Variants in ESR1 observed in about 807,000 individuals in gnomAD.
The protein encoded by ESR1 is estrogen receptor.
In ESR1, 12 loss-of-function variants were observed where a neutral mutation model predicts 52.7. The ratio of observed to expected loss-of-function variants is 0.23; its 90% CI spans 0.15 to 0.37. ESR1 has a LOEUF of 0.37. ESR1 is among the 10% of genes least tolerant of loss of function. ESR1 has a pLI of 1.00. For missense variants in ESR1, 584 were observed against 779.7 expected (o/e 0.75, Z 2.99); for synonymous variants, 305 against 316.8 (o/e 0.96, Z 0.39).
At chr6:151,875,797 A>T (rs1186439862) in intron 2 of ESR1, among the ~76,000 whole-genome samples, 1 of 152,174 alleles carries the variant, frequency 6.6e-6, no homozygotes, top group Non-Finnish European at 1.5e-5. Flanking sequence ...ACATGATCAG[A>T]GCTTGGATGG....
Position 151,837,121 on chromosome 6 carries a change from CT to C in ESR1, c.453-5459del, listed in dbSNP as rs11372738. ...AATATGAATACCTTCAGACATCCCT[CT>C]TTTTTTTTTTTTTTTTCACCCAGGC... On this transcript the variant is annotated intron_variant, in intron 1 of 7. Coordinates refer to ENST00000206249, the MANE Select transcript of ESR1 (RefSeq NM_000125.4). Among the ~76,000 whole-genome samples, 385 of 134,382 alleles carry C rather than the reference CT, an allele frequency of 2.9e-3. 1 individual carries two copies. Among genetic ancestry groups the C allele is most frequent in the African/African-American group, 4.8e-3 (173 of 35,772 alleles). 88.2% of individuals were successfully genotyped at this position (134,382 alleles called of 152,430 possible).
In ESR1 at chr6:151,811,507, A is replaced by G. The variant is rs1778833206; in HGVS notation, c.452+3143A>G. Among the ~76,000 whole-genome samples the G allele has an allele frequency of 2.0e-5, 3 of 152,310 alleles. No homozygotes were observed. The South Asian group carries it at 6.2e-4, about 32-fold the overall frequency. On this transcript the variant is annotated intron_variant, in intron 1 of 7. Transcript: ENST00000206249. ...CTTCTCCAAAAAACTTGGCAAATGT[A>G]TAAATCTTTTGCATCAAAATCAATG...
chr6:152,082,996 C>T (rs762628049), intron 6 of ESR1, among the ~76,000 whole-genome samples: 6 of 152,164 alleles, frequency 3.9e-5, no homozygotes, highest in Non-Finnish European at 7.3e-5. Flanking sequence ...ATTCCATGCT[C>T]GTGGATAGGA....
Position 151,842,599 on chromosome 6 carries a change from C to G in ESR1, c.455C>G (p.Pro152Arg). Residue 152 changes from proline to arginine, a missense_variant and splice_region_variant, in exon 2 of 8, where the codon CCA (proline) becomes CGA (arginine). This residue lies in a region of ESR1 where 251 missense variants were observed against 246.1 expected (regional missense o/e 1.02). Coordinates refer to ENST00000206249, the MANE Select transcript of ESR1 (RefSeq NM_000125.4). ...ATTTACTGTTTTTTTCCCCCCAGGC[C>G]AAATTCAGATAATCGACGCCAGGGT... ...REAGPPAFYRPNSDNRRQGGR... is the reference protein window; with the variant it reads ...REAGPPAFYRRNSDNRRQGGR... 6.2e-7 allele frequency: 1 copy of G among 1,613,136 alleles called. No homozygotes were observed.
At chr6:151,942,699 A>G (rs1180274493) in intron 3 of ESR1, among the ~76,000 whole-genome samples, 1 of 151,744 alleles carries the variant, frequency 6.6e-6, no homozygotes, top group Non-Finnish European at 1.5e-5. Context: ...ACAAATTAAA[A>G]CAAAATAAGA....
At chr6:152,052,261 G>A (rs186477564) in intron 5 of ESR1, among the ~76,000 whole-genome samples, 5 of 152,200 alleles carry the variant, frequency 3.3e-5, no homozygotes, top group Non-Finnish European at 5.9e-5. Context: ...GATCCACCCC[G>A]AACACCTCCC....
intron 3 of ESR1, among the ~76,000 whole-genome samples, chr6:151,943,054 G>A (rs930444425): frequency 3.3e-5 from 5 of 152,002 alleles, no homozygotes; most frequent in East Asian, 1.9e-4. Flanking sequence ...ACCCCATTTC[G>A]TAATTTAGTT....
Position 152,011,804 on chromosome 6 carries a change from CT to C in ESR1, c.1235+11del. ...ACTTGCTCTTGGACAGGTAAGTGAC[CT>C]GGCTGTAGCTTAGGAGTAGCATGTT... On this transcript the variant is annotated intron_variant, in intron 5 of 7. Coordinates refer to ENST00000206249, the MANE Select transcript of ESR1 (RefSeq NM_000125.4). The C allele has an allele frequency of 1.2e-6, 2 of 1,612,320 alleles. No homozygotes were observed. The highest frequency in any genetic ancestry group is 1.7e-6 in the Non-Finnish European group (2 of 1,179,162).
chr6:151,889,723 C>G (rs1794418915), intron 3 of ESR1, among the ~76,000 whole-genome samples: 1 of 151,592 alleles, frequency 6.6e-6, no homozygotes, highest in Non-Finnish European at 1.5e-5. Flanking sequence ...TTTTATTTTT[C>G]TAGTTATTTG....
chr6:151,822,005 A>G (rs1264711925), intron 1 of ESR1, among the ~76,000 whole-genome samples: 1 of 152,246 alleles, frequency 6.6e-6, no homozygotes, highest in Non-Finnish European at 1.5e-5. Context: ...TACTACACCA[A>G]GATGATTTGA....
chr6:151,808,121 C>G lies in ESR1; in HGVS notation c.209C>G (p.Ala70Gly), dbSNP rs776480169. 1 of 1,610,366 alleles carries G rather than the reference C, an allele frequency of 6.2e-7. No homozygotes were observed. The highest frequency in any genetic ancestry group is 1.1e-5 in the South Asian group (1 of 90,498). The change falls in exon 1 of 8, where the codon GCG (alanine) becomes GGG (glycine). Residue 70 changes from alanine (A) to glycine (G), a missense_variant. Around this residue, in one of 6 missense-constraint regions of ESR1, gnomAD observed 251 missense variants for 246.1 expected, o/e 1.02. Transcript: ENST00000206249. ...YEFNAAAAAN[A>G]QVYGQTGLPY... is the part of the protein sequence containing the mutation. ...TTCAACGCCGCGGCCGCCGCCAACG[C>G]GCAGGTCTACGGTCAGACCGGCCTC...
At chr6:151,884,821 G>A (rs1375982847) in intron 3 of ESR1, among the ~76,000 whole-genome samples, 1 of 152,048 alleles carries the variant, frequency 6.6e-6, no homozygotes, top group African/African-American at 2.4e-5. Flanking sequence ...TGAACTTTAG[G>A]TTGTAGATTA....
intron 2 of ESR1, among the ~76,000 whole-genome samples, chr6:151,719,713 G>T (rs1341330514): frequency 1.3e-5 from 2 of 152,146 alleles, no homozygotes; most frequent in African/African-American, 4.8e-5. Context: ...TAATTGGCGA[G>T]CAGATTAATA....
At chr6:152,079,170 A>G (rs932215748) in intron 6 of ESR1, among the ~76,000 whole-genome samples, 3 of 152,038 alleles carry the variant, frequency 2.0e-5, no homozygotes, top group African/African-American at 4.8e-5. Context: ...GAACCAAGAG[A>G]CCGCCACCTC....
chr6:151,956,839 AATAAATATATATATATATAT>A lies in ESR1; in HGVS notation c.1096+12353_1096+12372del, dbSNP rs1242412065. 9.6e-5 allele frequency among the ~76,000 whole-genome samples: 11 copies of A among 114,234 alleles called. No homozygotes were observed. The South Asian group carries it at 2.0e-3, about 21-fold the overall frequency. 74.9% of individuals were successfully genotyped at this position (114,234 alleles called of 152,430 possible). On this transcript the variant is annotated intron_variant, in intron 4 of 7. Transcript: ENST00000206249. ...ATATATAAAAATATATATAAATATA[AATAAATATATATATATATAT>A]ATAAATATATATATATATATAAAAT...
At chr6:151,661,633 A>G (rs1178989691) in intron 1 of ESR1, among the ~76,000 whole-genome samples, 1 of 152,188 alleles carries the variant, frequency 6.6e-6, no homozygotes, top group Admixed American at 6.5e-5. Context: ...CTGTTTGGGC[A>G]CTGACATGGT....
chr6:151,976,581 A>G (rs187089439), intron 4 of ESR1, among the ~76,000 whole-genome samples: 102 of 152,314 alleles, frequency 6.7e-4, no homozygotes, highest in African/African-American at 1.9e-3. Context: ...ATGACATTTC[A>G]TATGTCCTGA....
intron 5 of ESR1, among the ~76,000 whole-genome samples, chr6:152,044,125 G>A (rs772088867): frequency 9.9e-5 from 15 of 152,174 alleles, no homozygotes; most frequent in Non-Finnish European, 1.9e-4. Context: ...CTCCACATAT[G>A]GTTAAAGGTA....
At chr6:152,080,273 C>T (rs1428065541) in intron 6 of ESR1, among the ~76,000 whole-genome samples, 2 of 151,290 alleles carry the variant, frequency 1.3e-5, no homozygotes, top group Non-Finnish European at 2.9e-5. Flanking sequence ...AAGGGAAGCC[C>T]ATCAGACTAA....
Sources: allele counts gnomAD v4.1 joint callset (sites outside exome capture counted in the v4.1 genomes callset), GRCh38; gene constraint gnomAD v4.1.1; regional missense constraint gnomAD v4.1.1; transcripts MANE v1.5; gene names NCBI Gene and HGNC (gene_info 2026-07-23, HGNC 2026-07-21).